CD96: variants seen among roughly 807,000 people sequenced by gnomAD.
CD96 encodes T-cell surface protein tactile.
In CD96, 70 loss-of-function variants were observed where a neutral mutation model predicts 71.3. The ratio of observed to expected loss-of-function variants is 0.98; its 90% CI spans 0.81 to 1.20. The LOEUF is 1.20. CD96 is among the 50% of genes most tolerant of loss of function. CD96 has a pLI of 0.00. For missense variants in CD96, 742 were observed against 677.5 expected (o/e 1.10, Z -1.06); for synonymous variants, 248 against 233.0 (o/e 1.06, Z -0.59).
chr3:111,602,778 TACTG>T (rs1185615011), intron 7 of CD96, among the ~76,000 whole-genome samples: 3 of 152,162 alleles, frequency 2.0e-5, no homozygotes, highest in Admixed American at 6.6e-5. Flanking sequence ...GTTGACAAGA[TACTG>T]AGATGAAGAC....
chr3:111,580,765 G>C (rs1559733815), intron 4 of CD96, among the ~76,000 whole-genome samples: 1 of 151,986 alleles, frequency 6.6e-6, no homozygotes, highest in Non-Finnish European at 1.5e-5. Context: ...GTTCCTTACG[G>C]AGCCTAAACA....
intron 3 of CD96, among the ~76,000 whole-genome samples, chr3:111,568,787 T>C (rs1334380430): frequency 6.6e-6 from 1 of 152,220 alleles, no homozygotes; most frequent in African/African-American, 2.4e-5. Context: ...TGTGTCATTA[T>C]AACTTTAATG....
intron 10 of CD96, among the ~76,000 whole-genome samples, chr3:111,627,623 A>G (rs1938839563): frequency 6.6e-6 from 1 of 152,226 alleles, no homozygotes; most frequent in Non-Finnish European, 1.5e-5. Flanking sequence ...AGAGATCTCC[A>G]ACATAGCACA....
intron 6 of CD96, among the ~76,000 whole-genome samples, chr3:111,600,027 G>C (rs781678913): frequency 6.6e-6 from 1 of 152,226 alleles, no homozygotes; most frequent in South Asian, 2.1e-4. Flanking sequence ...AACAGAGTTT[G>C]ATTTCTAAAG....
At chr3:111,658,655 T>C (rs1465914699) in intron 14 of CD96, among the ~76,000 whole-genome samples, 1 of 152,194 alleles carries the variant, frequency 6.6e-6, no homozygotes, top group Non-Finnish European at 1.5e-5. Flanking sequence ...TCAAAATTAA[T>C]ATCATCAGTG....
At chr3:111,615,130 G>A (rs1238951023) in intron 8 of CD96, among the ~76,000 whole-genome samples, 1 of 152,182 alleles carries the variant, frequency 6.6e-6, no homozygotes, top group Non-Finnish European at 1.5e-5. Context: ...CTGAAATGAA[G>A]GTACAAGTAT....
At chr3:111,578,373 T>G (rs1229764650) in intron 3 of CD96, among the ~76,000 whole-genome samples, 3 of 152,208 alleles carry the variant, frequency 2.0e-5, no homozygotes, top group Non-Finnish European at 4.4e-5. Context: ...CAGGCTACTC[T>G]TCATGCATCC....
At chr3:111,629,322 T>C (rs1407619163) in intron 10 of CD96, among the ~76,000 whole-genome samples, 1 of 152,130 alleles carries the variant, frequency 6.6e-6, no homozygotes. Flanking sequence ...GAGGGAAATT[T>C]GCCAAACAAA....
intron 2 of CD96, among the ~76,000 whole-genome samples, chr3:111,561,186 T>C (rs1349904610): frequency 1.4e-5 from 2 of 138,692 alleles, no homozygotes; most frequent in Non-Finnish European, 3.1e-5. Context: ...AATTTGATCG[T>C]CTGAAGCCTT....
At chr3:111,627,522 T>C (rs190599878) in intron 10 of CD96, among the ~76,000 whole-genome samples, 1 of 152,000 alleles carries the variant, frequency 6.6e-6, no homozygotes, top group African/African-American at 2.4e-5. Context: ...TGGGACAGAG[T>C]GCCCAGTGGG....
At chr3:111,649,571 ACTGGGAGAGTATGT>A (rs71131972) in intron 13 of CD96, 113 bp from the exon 14 acceptor site, 19,693 of 755,308 alleles carry the variant, frequency 0.026, 312 homozygotes, top group Non-Finnish European at 0.035. Context: ...TGCTGAAAGA[ACTGGGAGAGTATGT>A]CTCTTTCTCA....
intron 9 of CD96, 82 bp downstream of exon 9, chr3:111,623,904 G>T: frequency 3.2e-6 from 3 of 926,862 alleles, no homozygotes; most frequent in Non-Finnish European, 5.4e-6. Context: ...TAATGTTGAC[G>T]TTTCAGCAAA....
At chr3:111,611,314 C>T (rs1937921024) in intron 8 of CD96, among the ~76,000 whole-genome samples, 2 of 152,182 alleles carry the variant, frequency 1.3e-5, no homozygotes, top group Non-Finnish European at 2.9e-5. Context: ...GTAAAGGAAG[C>T]AACTGACCAG....
At chr3:111,653,435 T>TA (rs897856088), downstream of CD96, among the ~76,000 whole-genome samples, 5 of 152,148 alleles carry the variant, frequency 3.3e-5, no homozygotes, top group South Asian at 2.1e-4. Flanking sequence ...TTTATTTTTT[T>TA]AAAAAAATAG....
intron 5 of CD96, among the ~76,000 whole-genome samples, chr3:111,596,527 G>T (rs1335859915): frequency 6.6e-6 from 1 of 152,092 alleles, no homozygotes; most frequent in African/African-American, 2.4e-5. Context: ...ACTTACTCCT[G>T]ATATTACCAT....
intron 3 of CD96, among the ~76,000 whole-genome samples, chr3:111,572,573 TC>T (rs1936034461): frequency 6.6e-6 from 1 of 152,124 alleles, no homozygotes; most frequent in Non-Finnish European, 1.5e-5. Flanking sequence ...ATATATAATC[TC>T]TTTAGAAAGA....
At chr3:111,635,226 T>G (rs1939270271) in intron 10 of CD96, 1 of 152,584 alleles carries the variant, frequency 6.6e-6, no homozygotes, top group South Asian at 2.1e-4. Context: ...CTTTATGTAT[T>G]TAAGTGTTTT....
intron 2 of CD96, among the ~76,000 whole-genome samples, chr3:111,564,938 A>T (rs1273643723): frequency 6.6e-6 from 1 of 152,096 alleles, no homozygotes; most frequent in East Asian, 1.9e-4. Context: ...GATTTCTCTT[A>T]GTGGACCTGT....
At chr3:111,614,167 T>G (rs1311152918) in intron 8 of CD96, among the ~76,000 whole-genome samples, 1 of 152,218 alleles carries the variant, frequency 6.6e-6, no homozygotes, top group Non-Finnish European at 1.5e-5. Flanking sequence ...CCAGAACTTC[T>G]TTCCTCTTCC....
Sources: gnomAD v4.1 joint callset for allele counts (sites outside exome capture counted in the v4.1 genomes callset) on GRCh38, gnomAD v4.1.1 for gene constraint, MANE v1.5 for transcripts, NCBI Gene and HGNC (gene_info 2026-07-23, HGNC 2026-07-21) for gene names.